MTUS2: variants seen among roughly 807,000 people sequenced by gnomAD.
MTUS2 encodes the protein microtubule-associated tumor suppressor candidate 2.
In MTUS2, 40 loss-of-function variants were observed where a neutral mutation model predicts 114.1. The ratio of observed to expected loss-of-function variants is 0.35; its 90% CI spans 0.27 to 0.46. The LOEUF (loss-of-function observed/expected upper bound fraction) is 0.46, where lower values mean the gene tolerates loss of function less well. Among genes scored for constraint, MTUS2 ranks in the 20% least tolerant of loss-of-function variants. MTUS2 has a pLI of 1.00. For synonymous variants in MTUS2, 688 were observed against 672.0 expected (o/e 1.02, Z -0.37); for missense variants, 1,679 against 1,705.4 (o/e 0.98, Z 0.27).
intron 9 of MTUS2, among the ~76,000 whole-genome samples, chr13:29,471,744 C>T (rs941065052): frequency 2.9e-4 from 42 of 144,612 alleles, no homozygotes; most frequent in African/African-American, 9.8e-4. Flanking sequence ...CAGGCCCAGC[C>T]CCCCCCGACA....
intron 7 of MTUS2, among the ~76,000 whole-genome samples, chr13:29,346,728 T>A (rs1183144377): frequency 6.9e-6 from 1 of 144,986 alleles, no homozygotes; most frequent in Non-Finnish European, 1.5e-5. Flanking sequence ...CAGCTGGAAT[T>A]TTCCTTCTCC....
intron 4 of MTUS2, among the ~76,000 whole-genome samples, chr13:29,041,061 G>T (rs775775125): frequency 5.3e-5 from 8 of 152,136 alleles, no homozygotes; most frequent in Non-Finnish European, 1.2e-4. Flanking sequence ...TTTTTCCGAT[G>T]TTATCTTCTA....
At chr13:29,307,559 T>TTA in intron 6 of MTUS2, 1 of 1,245,178 alleles carries the variant, frequency 8.0e-7, no homozygotes, top group Non-Finnish European at 1.2e-6. Context: ...ATCAAGAAGG[T>TTA]GGTAAAGCAG....
chr13:29,055,886 C>T (rs1888111997), intron 4 of MTUS2, among the ~76,000 whole-genome samples: 1 of 151,418 alleles, frequency 6.6e-6, no homozygotes, highest in Admixed American at 6.6e-5. Flanking sequence ...TGTCTTTTGC[C>T]CACTTTTAAA....
chr13:29,019,847 C>T (rs1886220466), intron 2 of MTUS2, among the ~76,000 whole-genome samples: 1 of 152,212 alleles, frequency 6.6e-6, no homozygotes, highest in South Asian at 2.1e-4. Flanking sequence ...ACACGGTGTA[C>T]TTAGAGGAAA....
At chr13:28,827,072 A>C (rs149863458) in intron 1 of MTUS2, among the ~76,000 whole-genome samples, 2 of 152,252 alleles carry the variant, frequency 1.3e-5, no homozygotes, top group Admixed American at 1.3e-4. Flanking sequence ...ATGTTGCCAC[A>C]TATTAAGCCA....
At chr13:29,415,666 C>A (rs1032302992) in intron 8 of MTUS2, among the ~76,000 whole-genome samples, 2 of 152,086 alleles carry the variant, frequency 1.3e-5, no homozygotes, top group Non-Finnish European at 2.9e-5. Context: ...AAATGTGTTT[C>A]TTTCCAATGG....
rs199674457 is a variant in MTUS2, at chr13:29,015,879, C to CT, written c.-242-8570dup. 5.6e-3 allele frequency among the ~76,000 whole-genome samples: 854 copies of CT among 151,912 alleles called. 9 individuals carry two copies. The highest frequency in any genetic ancestry group is 0.02 in the African/African-American group (819 of 41,432). ...CAAAAATACTATATTTTTACTTTTTCTTTTTTTTATAGCTAATGAAGATTC... is the reference window on the plus strand; with the variant it reads ...CAAAAATACTATATTTTTACTTTTTCTTTTTTTTTATAGCTAATGAAGATTC... On this transcript the variant is annotated intron_variant, in intron 2 of 15. Transcript: ENST00000612955.
intron 9 of MTUS2, among the ~76,000 whole-genome samples, chr13:29,456,892 C>T (rs1879143866): frequency 6.6e-6 from 1 of 152,152 alleles, no homozygotes; most frequent in African/African-American, 2.4e-5. Flanking sequence ...AATCCCAGCA[C>T]TTTGGGAGGC....
At position 28,927,413 on chromosome 13, in the gene MTUS2, A is replaced by G. The variant is rs530059707; in HGVS notation, c.-243+87563A>G. ...CTGTCTCTAAAAAAAAAGAAAAGAA[A>G]AAATTAGTCAGGCATAGTGGCATGC... is the stretch of plus-strand genomic sequence containing the variant. On this transcript the variant is annotated intron_variant, in intron 2 of 15. Transcript: ENST00000612955. Among the ~76,000 whole-genome samples the G allele has an allele frequency of 1.8e-3, 277 of 152,178 alleles. 1 individual carries two copies. The highest frequency in any genetic ancestry group is 6.1e-3 in the African/African-American group (254 of 41,514).
chr13:28,965,182 A>G (rs1424485317), intron 2 of MTUS2, among the ~76,000 whole-genome samples: 1 of 152,140 alleles, frequency 6.6e-6, no homozygotes. Flanking sequence ...TATAATTTAC[A>G]AAGTTCTTTC....
At chr13:28,961,718 G>C (rs556094302) in intron 2 of MTUS2, among the ~76,000 whole-genome samples, 1 of 152,076 alleles carries the variant, frequency 6.6e-6, no homozygotes, top group South Asian at 2.1e-4. Context: ...ACAAAACTGG[G>C]ATCATCTAAG....
In MTUS2 at chr13:29,382,401, G is replaced by A. The variant is rs575328691; in HGVS notation, c.3117+22928G>A. ...GGCCTGGACCAGCATGGTGGAGATG[G>A]CGTGAAGTCGATGGGTGGTGGAAGA... On this transcript the variant is annotated intron_variant, in intron 8 of 15. Coordinates refer to ENST00000612955, the MANE Select transcript of MTUS2 (RefSeq NM_001033602.4). Among the ~76,000 whole-genome samples the A allele has an allele frequency of 1.2e-4, 19 of 152,320 alleles. No homozygotes were observed. In the South Asian group the frequency reaches 3.7e-3, roughly 30 times the overall value.
At chr13:29,349,765 G>A (rs986172287) in intron 7 of MTUS2, among the ~76,000 whole-genome samples, 1 of 152,026 alleles carries the variant, frequency 6.6e-6, no homozygotes, top group Non-Finnish European at 1.5e-5. Flanking sequence ...TACATAATGT[G>A]TCTTTTTTCT....
intron 7 of MTUS2, among the ~76,000 whole-genome samples, chr13:29,334,785 G>A (rs1002695612): frequency 6.6e-6 from 1 of 152,204 alleles, no homozygotes; most frequent in African/African-American, 2.4e-5. Context: ...CGGAGGGACT[G>A]GCTGAAGCCA....
chr13:29,292,603 C>G (rs1368874374), intron 6 of MTUS2, among the ~76,000 whole-genome samples: 2 of 151,856 alleles, frequency 1.3e-5, no homozygotes, highest in Non-Finnish European at 2.9e-5. Context: ...GTTCACGGTA[C>G]GATGGATTAA....
chr13:28,980,204 T>C (rs1354251007), intron 2 of MTUS2, among the ~76,000 whole-genome samples: 1 of 152,170 alleles, frequency 6.6e-6, no homozygotes, highest in African/African-American at 2.4e-5. Flanking sequence ...TACAATAGAG[T>C]CCATGCATTA....
At chr13:29,049,232 C>G (rs1887776460) in intron 4 of MTUS2, among the ~76,000 whole-genome samples, 1 of 152,226 alleles carries the variant, frequency 6.6e-6, no homozygotes, top group African/African-American at 2.4e-5. Flanking sequence ...AATCTATTCA[C>G]AAGGACATCC....
chr13:29,230,742 C>T (rs1229152195), intron 5 of MTUS2, among the ~76,000 whole-genome samples: 1 of 152,088 alleles, frequency 6.6e-6, no homozygotes, highest in Middle Eastern at 3.2e-3. Flanking sequence ...AGAGTGCAGG[C>T]CTTTATTTTT....
Sources: allele counts gnomAD v4.1 joint callset (sites outside exome capture counted in the v4.1 genomes callset), GRCh38; gene constraint gnomAD v4.1.1; transcripts MANE v1.5; gene names NCBI Gene and HGNC (gene_info 2026-07-23, HGNC 2026-07-21).